PRDM14: variants seen among roughly 807,000 people sequenced by gnomAD.
The protein encoded by PRDM14 is PR domain zinc finger protein 14.
PRDM14 carries 16 observed loss-of-function variants against 48.0 expected under a neutral mutation model. The observed-to-expected ratio is 0.33, with a 90% CI of 0.23 to 0.51. PRDM14 has a LOEUF of 0.51. Among genes scored for constraint, PRDM14 ranks in the 20% least tolerant of loss-of-function variants. The pLI is 0.97. For missense variants in PRDM14, 566 were observed against 719.6 expected (o/e 0.79, Z 2.44); for synonymous variants, 264 against 276.6 (o/e 0.95, Z 0.45).
intron 6 of PRDM14, among the ~76,000 whole-genome samples, chr8:70,055,981 T>A (rs556400332): frequency 6.6e-6 from 1 of 152,214 alleles, no homozygotes; most frequent in Non-Finnish European, 1.5e-5. Context: ...TCTGCCTTCC[T>A]CACAGAGCTA....
Position 70,066,524 on chromosome 8 carries a change from G to C in PRDM14, c.913-19C>G. 1 of 1,600,888 alleles carries C rather than the reference G, an allele frequency of 6.2e-7. No homozygotes were observed. Among genetic ancestry groups the C allele is most frequent in the Non-Finnish European group, 8.5e-7 (1 of 1,173,288 alleles). ...CAAAGATCTAAATGAAATAAGACAT[G>C]AAGTTTGTATTGTACTTCTTTTTTG... On this transcript the variant is annotated intron_variant, in intron 4 of 7. Transcript: ENST00000276594.
chr8:70,058,446 A>T (rs780461737), intron 6 of PRDM14, among the ~76,000 whole-genome samples, 194 bp downstream of exon 6: 7 of 152,116 alleles, frequency 4.6e-5, no homozygotes, highest in Non-Finnish European at 1.0e-4. Flanking sequence ...GGGTACCTGC[A>T]TCCTAACACA....
intron 6 of PRDM14, among the ~76,000 whole-genome samples, chr8:70,057,357 C>G (rs1325533145): frequency 6.9e-6 from 1 of 144,158 alleles, no homozygotes; most frequent in Non-Finnish European, 1.5e-5. Flanking sequence ...GGGATGGAGT[C>G]TCACTCCTGC....
chr8:70,066,459 C>A lies in PRDM14; in HGVS notation c.959G>T (p.Gly320Val), dbSNP rs1351479644. The A allele has an allele frequency of 6.2e-7, 1 of 1,614,018 alleles. No homozygotes were observed. The highest frequency in any genetic ancestry group is 1.1e-5 in the South Asian group (1 of 91,064). The change falls in exon 5 of 8, where the codon GGT (glycine) becomes GTT (valine). Residue 320 changes from glycine to valine, a missense_variant. This residue lies in a region of PRDM14 where 410 missense variants were observed against 424.6 expected (regional missense o/e 0.97). Coordinates refer to ENST00000276594, the MANE Select transcript of PRDM14 (RefSeq NM_024504.4). ...HLSHFIDGKGGTGNWMSYVNC... is the reference protein window; with the variant it reads ...HLSHFIDGKGVTGNWMSYVNC... ...GACATAGGACATCCAGTTCCCCGTA[C>A]CTCCTTTTCCATCTATAAAGTGGCT...
chr8:70,051,750 C>A lies in PRDM14; in HGVS notation c.*327G>T. On this transcript the variant is annotated 3_prime_UTR_variant, in exon 8 of 8. Transcript: ENST00000276594. Reference sequence around the variant, plus strand: ...CTCTTGTTTTTACATTGTCTCCACACTCTTGAGGGCTACTCATTTTTTTTG... The same window carrying A: ...CTCTTGTTTTTACATTGTCTCCACAATCTTGAGGGCTACTCATTTTTTTTG... 4.3e-6 allele frequency: 1 copy of A among 231,752 alleles called. No homozygotes were observed. The highest frequency in any genetic ancestry group is 8.5e-6 in the Non-Finnish European group (1 of 117,356). The allele number at this position is 231,752 out of a possible 1,614,324, so 14.4% of individuals were successfully genotyped here. A position where few individuals can be genotyped will look rare whatever the true frequency, so the allele number is the denominator to read the frequency against.
Position 70,066,507 on chromosome 8 carries a change from TAAATG to T in PRDM14, c.913-7_913-3del. The T allele has an allele frequency of 6.2e-7, 1 of 1,609,918 alleles. No homozygotes were observed. The highest frequency in any genetic ancestry group is 8.5e-7 in the Non-Finnish European group (1 of 1,177,866). On this transcript the variant is annotated splice_region_variant and splice_polypyrimidine_tract_variant and intron_variant, in intron 4 of 7. Coordinates refer to ENST00000276594, the MANE Select transcript of PRDM14 (RefSeq NM_024504.4). ...GCTCAAATGACCATCTTCAAAGATCTAAATGAAATAAGACATGAAGTTTGTATTGT... is the reference window on the plus strand; with the variant it reads ...GCTCAAATGACCATCTTCAAAGATCTAAATAAGACATGAAGTTTGTATTGT...
intron 4 of PRDM14, among the ~76,000 whole-genome samples, chr8:70,066,845 C>T (rs771495919): frequency 1.2e-4 from 18 of 152,056 alleles, no homozygotes; most frequent in African/African-American, 1.9e-4. Context: ...CCCACCTTAG[C>T]CCCCTGAGTA....
intron 5 of PRDM14, among the ~76,000 whole-genome samples, chr8:70,064,325 T>C (rs1255683449): frequency 4.6e-5 from 7 of 152,114 alleles, no homozygotes; most frequent in African/African-American, 7.2e-5. Flanking sequence ...CTGAGCCTGA[T>C]TGCCTTCCCT....
intron 5 of PRDM14, among the ~76,000 whole-genome samples, chr8:70,063,129 C>T (rs6472509): frequency 0.36 from 55,248 of 151,910 alleles, 10,503 homozygotes; most frequent in East Asian, 0.48. Flanking sequence ...TTGATACATA[C>T]GGTGAAAAAA....
intron 1 of PRDM14, among the ~76,000 whole-genome samples, chr8:70,070,682 G>C (rs1463627779): frequency 6.6e-6 from 1 of 152,142 alleles, no homozygotes. Context: ...GGGGCCTGGG[G>C]TAGCCCCTCG....
At chr8:70,063,850 G>T (rs990376726) in intron 5 of PRDM14, among the ~76,000 whole-genome samples, 13 of 152,242 alleles carry the variant, frequency 8.5e-5, no homozygotes, top group African/African-American at 1.2e-4. Context: ...AAAGGAGTTG[G>T]TACATTTCAG....
chr8:70,064,158 A>G (rs1805628800), intron 5 of PRDM14, among the ~76,000 whole-genome samples: 1 of 152,090 alleles, frequency 6.6e-6, no homozygotes, highest in Non-Finnish European at 1.5e-5. Context: ...TAGTTCACCA[A>G]AACAATCCTG....
chr8:70,058,619 A>T, intron 6 of PRDM14, 21 bp downstream of exon 6: 1 of 1,606,368 alleles, frequency 6.2e-7, no homozygotes, highest in Non-Finnish European at 8.5e-7. Context: ...ATGGTGGGTC[A>T]TGTGTCCTCC....
chr8:70,058,602 G>A (rs1805521370), intron 6 of PRDM14, 38 bp downstream of exon 6: 1 of 1,578,532 alleles, frequency 6.3e-7, no homozygotes, highest in Non-Finnish European at 8.7e-7. Context: ...AAGGGAGAGA[G>A]AACGTGATGG....
At chr8:70,055,498 C>A in intron 6 of PRDM14, 97 bp from the exon 7 acceptor site, 1 of 625,208 alleles carries the variant, frequency 1.6e-6, no homozygotes, top group Non-Finnish European at 2.8e-6. Context: ...GAACTCTTTT[C>A]CAATTTTTTT....
At chr8:70,061,698 A>G (rs1000605515) in intron 5 of PRDM14, among the ~76,000 whole-genome samples, 11 of 152,300 alleles carry the variant, frequency 7.2e-5, no homozygotes, top group Non-Finnish European at 1.3e-4. Context: ...AATTCAGAAT[A>G]AAGTTTCAAT....
intron 5 of PRDM14, among the ~76,000 whole-genome samples, chr8:70,062,984 GAT>G (rs1805610833): frequency 6.6e-6 from 1 of 151,146 alleles, no homozygotes; most frequent in African/African-American, 2.5e-5. Flanking sequence ...GGTTGTTTGT[GAT>G]TTTTCACTCA....
rs145916259 is a variant in PRDM14, at chr8:70,053,323, TTTCTTC to T, written c.1489-1025_1489-1020del. Among the ~76,000 whole-genome samples the T allele has an allele frequency of 8.9e-4, 135 of 151,236 alleles. 1 individual carries two copies. Among genetic ancestry groups the T allele is most frequent in the Admixed American group, 1.9e-3 (29 of 15,130 alleles). ...TTGCATAAGTCAGTGCCTTACTGGT[TTTCTTC>T]TTCTTCTTCTTCTTTTTAATTTAAA... is the stretch of plus-strand genomic sequence containing the variant. On this transcript the variant is annotated intron_variant, in intron 7 of 7. Transcript: ENST00000276594.
chr8:70,066,156 T>C, intron 5 of PRDM14, 79 bp downstream of exon 5: 1 of 1,476,242 alleles, frequency 6.8e-7, no homozygotes, highest in Non-Finnish European at 9.3e-7. Context: ...GGAGGAGCTG[T>C]GCATGGAGGG....
Sources: allele counts gnomAD v4.1 joint callset (sites outside exome capture counted in the v4.1 genomes callset), GRCh38; gene constraint gnomAD v4.1.1; regional missense constraint gnomAD v4.1.1; transcripts MANE v1.5; gene names NCBI Gene and HGNC (gene_info 2026-07-23, HGNC 2026-07-21).